Variants in MCTP1 observed in about 807,000 individuals in gnomAD.
The protein encoded by MCTP1 is multiple C2 and transmembrane domain-containing protein 1.
In MCTP1, 69 loss-of-function variants were observed where a neutral mutation model predicts 120.6. The observed-to-expected ratio is 0.57, with a 90% CI of 0.47 to 0.70. MCTP1 has a LOEUF of 0.70. Ranked by LOEUF, MCTP1 falls within the 30% of genes least tolerant of loss-of-function variation. The probability of loss-of-function intolerance (pLI) is 0.00; values close to 1 mark genes in which losing one functional copy is unlikely to be tolerated. For synonymous variants in MCTP1, 529 were observed against 493.1 expected (o/e 1.07, Z -0.96); for missense variants, 1,203 against 1,248.8 (o/e 0.96, Z 0.55).
rs914036630 is a variant in MCTP1, at chr5:95,069,023, G to A, written c.721-51539C>T. 8.1e-5 allele frequency among the ~76,000 whole-genome samples: 12 copies of A among 147,672 alleles called. No individual in the cohort carries two copies. In the South Asian group the frequency reaches 1.1e-3, roughly 13 times the overall value. On this transcript the variant is annotated intron_variant, in intron 1 of 22. Transcript: ENST00000515393. ...CAACAGAACAGCCTGTGCTACATAC[G>A]TAATTAAAACAGATGTTCTCAATCT... is the stretch of plus-strand genomic sequence containing the variant.
intron 1 of MCTP1, among the ~76,000 whole-genome samples, chr5:95,061,399 C>T (rs1391676176): frequency 2.6e-5 from 3 of 114,268 alleles, no homozygotes; most frequent in Non-Finnish European, 5.7e-5. Context: ...TTTCACAAAC[C>T]CCTTAAGGGT....
intron 8 of MCTP1, 102 bp downstream of exon 8, chr5:94,917,794 G>T (rs1810472830): frequency 1.3e-6 from 1 of 762,402 alleles, no homozygotes; most frequent in Non-Finnish European, 2.3e-6. Flanking sequence ...TACAAAATAG[G>T]TTAGTATAGG....
chr5:94,985,226 C>T (rs1830238316), intron 2 of MCTP1, among the ~76,000 whole-genome samples: 1 of 152,118 alleles, frequency 6.6e-6, no homozygotes, highest in African/African-American at 2.4e-5. Context: ...CCCCCAAGTA[C>T]TTTCTTTGGA....
intron 18 of MCTP1, among the ~76,000 whole-genome samples, chr5:94,781,591 G>T (rs190825522): frequency 2.0e-5 from 3 of 152,242 alleles, no homozygotes; most frequent in Admixed American, 6.5e-5. Flanking sequence ...AACCATTAAG[G>T]TTGGAGAATC....
chr5:94,976,277 C>T (rs573766199), intron 2 of MCTP1, among the ~76,000 whole-genome samples: 2 of 151,990 alleles, frequency 1.3e-5, no homozygotes, highest in Non-Finnish European at 2.9e-5. Flanking sequence ...ATGGCAAAAC[C>T]CTGTCTCTAC....
At chr5:94,834,718 AGG>A (rs1336079939) in intron 17 of MCTP1, among the ~76,000 whole-genome samples, 2 of 151,706 alleles carry the variant, frequency 1.3e-5, no homozygotes, top group Admixed American at 6.6e-5. Flanking sequence ...CAGAGTGTGG[AGG>A]GTCTAACCCA....
chr5:94,927,300 T>C (rs1166059766), intron 6 of MCTP1, among the ~76,000 whole-genome samples: 3 of 152,214 alleles, frequency 2.0e-5, no homozygotes, highest in Non-Finnish European at 4.4e-5. Flanking sequence ...ATTTGTTCAT[T>C]GTTGCATTTT....
At chr5:94,731,163 A>G (rs951585819) in intron 19 of MCTP1, among the ~76,000 whole-genome samples, 1 of 152,188 alleles carries the variant, frequency 6.6e-6, no homozygotes, top group Non-Finnish European at 1.5e-5. Flanking sequence ...ATAAATCTCT[A>G]CATACGTGGG....
At chr5:95,108,220 C>A (rs1235436780) in intron 1 of MCTP1, among the ~76,000 whole-genome samples, 1 of 152,106 alleles carries the variant, frequency 6.6e-6, no homozygotes, top group East Asian at 1.9e-4. Flanking sequence ...CCTTAGCTGC[C>A]CTAAAGGAAA....
intron 1 of MCTP1, among the ~76,000 whole-genome samples, chr5:95,102,528 T>C (rs1756810934): frequency 6.6e-6 from 1 of 152,210 alleles, no homozygotes; most frequent in Non-Finnish European, 1.5e-5. Flanking sequence ...ATTTAGAAGT[T>C]GCACGTCGGA....
intron 1 of MCTP1, among the ~76,000 whole-genome samples, chr5:95,105,260 T>G (rs991448322): frequency 6.6e-6 from 1 of 152,168 alleles, no homozygotes; most frequent in Non-Finnish European, 1.5e-5. Flanking sequence ...TAAAGGGAAG[T>G]GCACTGTTCA....
chr5:95,091,104 C>G (rs964861535), intron 1 of MCTP1, among the ~76,000 whole-genome samples: 1 of 152,160 alleles, frequency 6.6e-6, no homozygotes, highest in Non-Finnish European at 1.5e-5. Context: ...CACCTTCCCC[C>G]CAACCCCAAA....
chr5:94,713,367 T>C (rs973963421), intron 20 of MCTP1, among the ~76,000 whole-genome samples: 2 of 152,104 alleles, frequency 1.3e-5, no homozygotes, highest in African/African-American at 2.4e-5. Flanking sequence ...TCTGGTCATA[T>C]CCCTCAGCTA....
Position 94,912,690 on chromosome 5 carries a change from A to G in MCTP1, c.1521+116T>C, listed in dbSNP as rs909102662. 3 of 812,004 alleles carry G rather than the reference A, an allele frequency of 3.7e-6. No individual in the cohort carries two copies. In the African/African-American group the frequency reaches 5.4e-5, roughly 15 times the overall value. The allele number at this position is 812,004 out of a possible 1,614,324, so 50.3% of individuals were successfully genotyped here. ...GGTCTTGTTTTCTGACATGGTGTTC[A>G]AAAGAGTTTGTTAAGCATTTAAAAC... On this transcript the variant is annotated intron_variant, in intron 9 of 22. Transcript: ENST00000515393.
chr5:95,230,505 C>G (rs1754811146), intron 1 of MCTP1, among the ~76,000 whole-genome samples: 1 of 152,004 alleles, frequency 6.6e-6, no homozygotes, highest in Non-Finnish European at 1.5e-5. Flanking sequence ...TCTAGTGAGC[C>G]CTGTGGGAGG....
intron 2 of MCTP1, among the ~76,000 whole-genome samples, chr5:94,989,607 G>T (rs549505042): frequency 6.6e-6 from 1 of 152,250 alleles, no homozygotes; most frequent in African/African-American, 2.4e-5. Flanking sequence ...CTCTGGAGTG[G>T]TAAGTGTCTC....
chr5:94,989,786 G>C (rs2153613166), intron 2 of MCTP1, among the ~76,000 whole-genome samples: 1 of 152,216 alleles, frequency 6.6e-6, no homozygotes, highest in Non-Finnish European at 1.5e-5. Context: ...ATCACCAATG[G>C]CCAGTGGCTT....
intron 1 of MCTP1, among the ~76,000 whole-genome samples, chr5:95,056,614 T>C (rs1051299371): frequency 6.6e-6 from 1 of 152,222 alleles, no homozygotes; most frequent in African/African-American, 2.4e-5. Flanking sequence ...GAGTGGGATG[T>C]GCAGAAACTG....
intron 1 of MCTP1, among the ~76,000 whole-genome samples, chr5:95,061,739 G>T (rs1231346947): frequency 7.2e-5 from 11 of 151,974 alleles, no homozygotes; most frequent in Non-Finnish European, 1.6e-4. Context: ...CCGGCCAAGG[G>T]TTGTTTTTAA....
Sources: allele counts gnomAD v4.1 joint callset (sites outside exome capture counted in the v4.1 genomes callset), GRCh38; gene constraint gnomAD v4.1.1; transcripts MANE v1.5; gene names NCBI Gene and HGNC (gene_info 2026-07-23, HGNC 2026-07-21).